PKHD1: variants seen among roughly 807,000 people sequenced by gnomAD.
The protein encoded by PKHD1 is fibrocystin.
PKHD1 carries 291 observed loss-of-function variants against 412.0 expected under a neutral mutation model. The observed-to-expected ratio is 0.71, with a 90% confidence interval of 0.64 to 0.78. PKHD1 has a LOEUF of 0.78. Among genes scored for constraint, PKHD1 ranks in the 30% least tolerant of loss-of-function variants. The pLI is 0.00. For synonymous variants in PKHD1, 1,777 were observed against 1,821.5 expected, an observed-to-expected ratio of 0.98 and a Z score of 0.62; for missense variants, 4,825 against 4,950.7, an observed-to-expected ratio of 0.97 and a Z score of 0.76.
chr6:51,738,212 G>A (rs1455470034), intron 60 of PKHD1, among the ~76,000 whole-genome samples: 1 of 152,194 alleles, frequency 6.6e-6, no homozygotes, highest in African/African-American at 2.4e-5. Flanking sequence ...CAGACAGCTA[G>A]CGCACTCCAA....
intron 35 of PKHD1, among the ~76,000 whole-genome samples, chr6:51,989,515 C>T (rs1188099657): frequency 1.3e-5 from 2 of 152,080 alleles, no homozygotes; most frequent in African/African-American, 4.8e-5. Flanking sequence ...GAAAGGAAGA[C>T]CAGAGAGTTA....
intron 60 of PKHD1, among the ~76,000 whole-genome samples, chr6:51,722,529 G>T (rs553508709): frequency 1.1e-3 from 165 of 152,244 alleles, no homozygotes; most frequent in African/African-American, 3.8e-3. Flanking sequence ...TTAACCAGAG[G>T]CTTATTTTCC....
chr6:52,046,347 T>G (rs1805831979), intron 23 of PKHD1, among the ~76,000 whole-genome samples, 159 bp from the exon 24 acceptor site: 1 of 152,162 alleles, frequency 6.6e-6, no homozygotes, highest in South Asian at 2.1e-4. Context: ...CCAGCCATAA[T>G]TAAACCATTT....
chr6:51,738,859 C>T (rs1402880245), intron 60 of PKHD1, among the ~76,000 whole-genome samples: 1 of 151,994 alleles, frequency 6.6e-6, no homozygotes, highest in East Asian at 1.9e-4. Flanking sequence ...GCACTCCTCA[C>T]TCCCCATTCA....
chr6:52,053,166 G>T lies in PKHD1; in HGVS notation c.2050C>A (p.Leu684Met), dbSNP rs727504091. 1 of 1,614,156 alleles carries T rather than the reference G, an allele frequency of 6.2e-7. No homozygotes were observed. The highest frequency in any genetic ancestry group is 1.1e-5 in the South Asian group (1 of 91,084). The change falls in exon 21 of 67, where the codon CTG (leucine) becomes ATG (methionine). Residue 684 changes from leucine (L) to methionine (M), a missense_variant. Physicochemically the swap from Leu to Met is conservative, Grantham distance 15. Coordinates refer to ENST00000371117, the MANE Select transcript of PKHD1 (RefSeq NM_138694.4). ...LQPPPANSPVLVHQINLLPLA... is the reference protein window; with the variant it reads ...LQPPPANSPVMVHQINLLPLA... ...GGGAGAAGGTTGATCTGATGAACCA[G>T]CACTGGGGAGTTTGCCGGAGGGGGC...
At chr6:51,912,194 A>C (rs1783062063) in intron 38 of PKHD1, among the ~76,000 whole-genome samples, 172 bp downstream of exon 38, 1 of 152,152 alleles carries the variant, frequency 6.6e-6, no homozygotes, top group African/African-American at 2.4e-5. Context: ...TAACTTACAA[A>C]GTCTAAATCT....
intron 35 of PKHD1, among the ~76,000 whole-genome samples, chr6:51,990,610 C>T (rs964744455): frequency 1.8e-4 from 28 of 152,156 alleles, no homozygotes; most frequent in Non-Finnish European, 3.2e-4. Context: ...AGTAAATAGT[C>T]ATATCCTTGA....
At chr6:51,899,937 A>G (rs1424129608) in intron 43 of PKHD1, among the ~76,000 whole-genome samples, 1 of 152,134 alleles carries the variant, frequency 6.6e-6, no homozygotes, top group Non-Finnish European at 1.5e-5. Flanking sequence ...AGAGAATAAA[A>G]TACCTAGGAA....
chr6:52,067,790 C>T (rs954168437), intron 11 of PKHD1, among the ~76,000 whole-genome samples: 2 of 152,074 alleles, frequency 1.3e-5, no homozygotes, highest in African/African-American at 4.8e-5. Context: ...GCTGGAGAAA[C>T]AGACAAGGAG....
At chr6:52,061,892 T>C (rs1582035059) in intron 14 of PKHD1, among the ~76,000 whole-genome samples, 1 of 152,182 alleles carries the variant, frequency 6.6e-6, no homozygotes, top group South Asian at 2.1e-4. Context: ...TTCAAGCTTT[T>C]ATATTTTTAA....
At chr6:51,804,965 G>A (rs114317518) in intron 52 of PKHD1, among the ~76,000 whole-genome samples, 10,013 of 148,914 alleles carry the variant, frequency 0.067, 490 homozygotes, top group Middle Eastern at 0.16. Context: ...GTGGAAAAAA[G>A]TTTGGTGATT....
chr6:51,674,699 G>A (rs185724269), intron 60 of PKHD1, among the ~76,000 whole-genome samples: 2 of 152,300 alleles, frequency 1.3e-5, no homozygotes, highest in Admixed American at 1.3e-4. Context: ...TTTATCCTGT[G>A]AGAAAGGGGC....
At chr6:51,816,290 T>C (rs779373819) in intron 52 of PKHD1, among the ~76,000 whole-genome samples, 25 of 152,174 alleles carry the variant, frequency 1.6e-4, no homozygotes, top group Admixed American at 5.2e-4. Flanking sequence ...CAAACCTATG[T>C]TGGAAGCCCC....
rs1490598945 is a variant in PKHD1 at position 51,615,565 on chromosome 6, A to G, written c.*3516T>C. ...ATATGGAATGCATGAATTTTAAATG[A>G]CAGAATTAATTAAAATTCTTTACTG... On this transcript the variant is annotated 3_prime_UTR_variant, in exon 67 of 67. Coordinates refer to ENST00000371117, the MANE Select transcript of PKHD1 (RefSeq NM_138694.4). The G allele has an allele frequency of 6.6e-6, 1 of 152,252 alleles. No individual in the cohort carries two copies. Among genetic ancestry groups the G allele is most frequent in the Non-Finnish European group, 1.5e-5 (1 of 68,034 alleles). The allele number at this position is 152,252 out of a possible 1,614,324, so 9.4% of individuals were successfully genotyped here.
rs1381302226 is a variant in PKHD1 at position 51,830,880 on chromosome 6, A to T, written c.8283T>A (p.Asp2761Glu). 2.5e-6 allele frequency: 4 copies of T among 1,612,824 alleles called. No homozygotes were observed. Among genetic ancestry groups the T allele is most frequent in the Non-Finnish European group, 3.4e-6 (4 of 1,179,150 alleles). Reference protein sequence around the residue: ...GYNNTIPGPGDDVLILPNRTV... With the variant: ...GYNNTIPGPGEDVLILPNRTV... ...ACTCACTGGGTAAAATGAGAACGTCATCCCCAGGGCCTGGAATGGTATTGT... is the reference window on the plus strand; with the variant it reads ...ACTCACTGGGTAAAATGAGAACGTCTTCCCCAGGGCCTGGAATGGTATTGT... The change falls in exon 52 of 67, where the codon GAT (aspartate) becomes GAA (glutamate). Residue 2761 changes from aspartate to glutamate, a missense_variant. Asp to Glu is a conservative substitution (Grantham distance 45). Transcript: ENST00000371117.
intron 52 of PKHD1, among the ~76,000 whole-genome samples, chr6:51,811,784 A>G (rs1443597603): frequency 6.6e-6 from 1 of 152,208 alleles, no homozygotes; most frequent in Non-Finnish European, 1.5e-5. Context: ...TATTCATTAT[A>G]TAAATAAATA....
At chr6:51,833,269 C>T (rs1768595031) in intron 51 of PKHD1, among the ~76,000 whole-genome samples, 1 of 152,134 alleles carries the variant, frequency 6.6e-6, no homozygotes, top group South Asian at 2.1e-4. Context: ...TTCACCTTTA[C>T]TCTTGCTTAT....
intron 35 of PKHD1, among the ~76,000 whole-genome samples, chr6:51,984,974 C>A (rs1175238566): frequency 1.3e-5 from 2 of 151,620 alleles, no homozygotes; most frequent in African/African-American, 2.4e-5. Context: ...AAGTTGGATT[C>A]TTTGTCCAAA....
chr6:51,636,575 AAC>A lies in PKHD1; in HGVS notation c.11506+2272_11506+2273del, dbSNP rs35387983. On this transcript the variant is annotated intron_variant, in intron 64 of 66. Coordinates refer to ENST00000371117, the MANE Select transcript of PKHD1 (RefSeq NM_138694.4). ...TCTAAAAATAACAACAACAACAACA[AAC>A]ACACACACACACACAAAACAACAAA... Among the ~76,000 whole-genome samples, 8 of 151,460 alleles carry A rather than the reference AAC, an allele frequency of 5.3e-5. No homozygotes were observed. The South Asian group carries it at 1.0e-3, about 20-fold the overall frequency.
Sources: allele counts gnomAD v4.1 joint callset (sites outside exome capture counted in the v4.1 genomes callset), GRCh38; gene constraint gnomAD v4.1.1; transcripts MANE v1.5; gene names NCBI Gene and HGNC (gene_info 2026-07-23, HGNC 2026-07-21).